GRM5: variants seen among roughly 807,000 people sequenced by gnomAD.
The protein encoded by GRM5 is metabotropic glutamate receptor 5.
A neutral mutation model predicts 83.1 loss-of-function variants in GRM5; 19 were observed. The ratio of observed to expected loss-of-function variants is 0.23; its 90% CI spans 0.16 to 0.34. The LOEUF (loss-of-function observed/expected upper bound fraction) is 0.34, where lower values mean the gene tolerates loss of function less well. Among genes scored for constraint, GRM5 ranks in the 10% least tolerant of loss-of-function variants. The pLI, the probability that GRM5 is intolerant of heterozygous loss-of-function variation, is 1.00. For synonymous variants in GRM5, 675 were observed against 633.6 expected (o/e 1.07, Z -0.98); for missense variants, 1,160 against 1,588.3 (o/e 0.73, Z 4.58).
intron 5 of GRM5, among the ~76,000 whole-genome samples, chr11:88,603,153 T>C (rs1040443616): frequency 6.6e-6 from 1 of 152,206 alleles, no homozygotes; most frequent in African/African-American, 2.4e-5. Flanking sequence ...CAAAAAAAGA[T>C]TAAGAAACCC....
intron 2 of GRM5, among the ~76,000 whole-genome samples, chr11:88,975,722 C>T (rs1467794096): frequency 6.6e-6 from 1 of 152,156 alleles, no homozygotes; most frequent in Admixed American, 6.5e-5. Context: ...TGAAGCACTG[C>T]CATCTAAATG....
intron 2 of GRM5, among the ~76,000 whole-genome samples, chr11:88,856,825 C>T (rs1328943502): frequency 6.6e-6 from 1 of 151,992 alleles, no homozygotes; most frequent in Admixed American, 6.6e-5. Context: ...TATGGGACCA[C>T]TGTGGCATAT....
At chr11:88,642,680 T>TA (rs1340058324) in intron 4 of GRM5, among the ~76,000 whole-genome samples, 1 of 152,176 alleles carries the variant, frequency 6.6e-6, no homozygotes, top group Non-Finnish European at 1.5e-5. Context: ...CTTAGCAAGA[T>TA]ACTGTAAATC....
In GRM5 at chr11:88,509,141, G is replaced by T; in HGVS notation, c.3090C>A (p.Gly1030=). 6.5e-7 allele frequency: 1 copy of T among 1,540,934 alleles called. No individual in the cohort carries two copies. The highest frequency in any genetic ancestry group is 8.7e-7 in the Non-Finnish European group (1 of 1,144,400). The change falls in exon 10 of 10, where the codon GGC becomes GGA. Residue 1030 remains glycine (G), a synonymous_variant. Coordinates refer to ENST00000305447, the MANE Select transcript of GRM5 (RefSeq NM_001143831.3). ...SPISTLSHRA[G]SASRTDDDVP... is the part of the protein sequence containing the mutation. ...CATCGTCGTCCGTGCGGCTGGCCGA[G>T]CCCGCGCGGTGGCTCAGCGTGCTGA... is the stretch of plus-strand genomic sequence containing the variant.
chr11:88,833,433 G>T (rs1165455665), intron 3 of GRM5, among the ~76,000 whole-genome samples: 4 of 151,876 alleles, frequency 2.6e-5, no homozygotes, highest in Admixed American at 1.3e-4. Context: ...CCACAGTGAG[G>T]TATCATCACC....
intron 2 of GRM5, among the ~76,000 whole-genome samples, chr11:88,923,155 A>AAAACT (rs951404611): frequency 1.3e-5 from 2 of 152,152 alleles, no homozygotes; most frequent in Admixed American, 1.3e-4. Context: ...GGGTCCTCAG[A>AAAACT]AAACTACAAG....
chr11:88,828,679 T>G (rs1943935192), intron 3 of GRM5, among the ~76,000 whole-genome samples: 1 of 152,140 alleles, frequency 6.6e-6, no homozygotes, highest in Admixed American at 6.5e-5. Flanking sequence ...ATCATTAGTA[T>G]AAGGATTGGA....
chr11:88,731,718 A>T (rs1185724202), intron 3 of GRM5, among the ~76,000 whole-genome samples: 1 of 152,012 alleles, frequency 6.6e-6, no homozygotes, highest in Non-Finnish European at 1.5e-5. Context: ...ACAGAAATTA[A>T]CTGAAAGATC....
intron 2 of GRM5, among the ~76,000 whole-genome samples, chr11:88,987,055 C>G (rs1939743809): frequency 6.6e-6 from 1 of 151,998 alleles, no homozygotes; most frequent in African/African-American, 2.4e-5. Flanking sequence ...CCAGCGTGAG[C>G]AAGGCAGAAG....
chr11:88,706,467 T>C (rs1189412235), intron 3 of GRM5, among the ~76,000 whole-genome samples: 1 of 152,134 alleles, frequency 6.6e-6, no homozygotes, highest in Non-Finnish European at 1.5e-5. Flanking sequence ...TTTATCTCTG[T>C]ATTACTATCC....
chr11:88,648,167 G>T (rs1018737677), intron 4 of GRM5, among the ~76,000 whole-genome samples: 4 of 152,012 alleles, frequency 2.6e-5, no homozygotes, highest in Non-Finnish European at 4.4e-5. Flanking sequence ...ATACCCAAAG[G>T]ACTATAAATC....
intron 8 of GRM5, among the ~76,000 whole-genome samples, chr11:88,552,821 T>A (rs1942541838): frequency 6.6e-6 from 1 of 152,190 alleles, no homozygotes; most frequent in Admixed American, 6.6e-5. Flanking sequence ...TGTCTGGCAC[T>A]ATTCTCCCTG....
chr11:89,057,302 A>G (rs1941898316), intron 1 of GRM5, among the ~76,000 whole-genome samples: 1 of 152,156 alleles, frequency 6.6e-6, no homozygotes, highest in African/African-American at 2.4e-5. Context: ...AGGTGCAATG[A>G]TACAGAGAAC....
intron 3 of GRM5, among the ~76,000 whole-genome samples, chr11:88,755,132 G>A (rs12419330): frequency 0.053 from 8,069 of 152,188 alleles, 401 homozygotes; most frequent in Admixed American, 0.16. Context: ...AGAAACTGAA[G>A]CAAATGTGTA....
intron 2 of GRM5, among the ~76,000 whole-genome samples, chr11:88,998,839 A>G (rs1348608517): frequency 6.6e-6 from 1 of 152,344 alleles, no homozygotes; most frequent in East Asian, 1.9e-4. Context: ...TCACTAAAAA[A>G]TGGTGTATAA....
intron 3 of GRM5, among the ~76,000 whole-genome samples, chr11:88,724,720 T>C (rs1173814922): frequency 3.3e-5 from 5 of 152,088 alleles, no homozygotes; most frequent in Non-Finnish European, 7.4e-5. Flanking sequence ...CTCTTCTCAC[T>C]GGGACTGGTT....
At chr11:88,958,850 T>C (rs1938700615) in intron 2 of GRM5, among the ~76,000 whole-genome samples, 1 of 152,202 alleles carries the variant, frequency 6.6e-6, no homozygotes, top group Non-Finnish European at 1.5e-5. Context: ...GAAAATTGTA[T>C]ATTTCCATAG....
At position 88,506,851 on chromosome 11, in the gene GRM5, A is replaced by G. The variant is rs1205734958; in HGVS notation, c.*1741T>C. ...AAGTAGATGTGAAATAAAAAAAAAT[A>G]CTTACCAAAGTAAGGATATTGAGCT... is the stretch of plus-strand genomic sequence containing the variant. On this transcript the variant is annotated 3_prime_UTR_variant, in exon 10 of 10. Coordinates refer to ENST00000305447, the MANE Select transcript of GRM5 (RefSeq NM_001143831.3). 6.6e-6 allele frequency: 1 copy of G among 152,140 alleles called. No homozygotes were observed. Among genetic ancestry groups the G allele is most frequent in the Non-Finnish European group, 1.5e-5 (1 of 68,006 alleles). The allele number at this position is 152,140 out of a possible 1,614,324, so 9.4% of individuals were successfully genotyped here.
At chr11:88,725,149 C>T (rs540178653) in intron 3 of GRM5, among the ~76,000 whole-genome samples, 1 of 152,264 alleles carries the variant, frequency 6.6e-6, no homozygotes, top group African/African-American at 2.4e-5. Flanking sequence ...AAATTCTTGC[C>T]ACCAGCACAG....
Sources: gnomAD v4.1 joint callset for allele counts (sites outside exome capture counted in the v4.1 genomes callset) on GRCh38, gnomAD v4.1.1 for gene constraint, MANE v1.5 for transcripts, NCBI Gene and HGNC (gene_info 2026-07-23, HGNC 2026-07-21) for gene names.